ODAD2: variants seen among roughly 807,000 people sequenced by gnomAD.
ODAD2 encodes the protein outer dynein arm-docking complex subunit 2.
Under a neutral mutation model 106.8 loss-of-function variants are expected in ODAD2, and 89 were observed. The observed-to-expected ratio is 0.83, with a 90% CI of 0.70 to 0.99. The LOEUF is 0.99. ODAD2 is among the 50% of genes least tolerant of loss of function. The pLI is 0.00. For synonymous variants in ODAD2, 404 were observed against 436.2 expected, an observed-to-expected ratio of 0.93 and a Z score of 0.92; for missense variants, 1,168 against 1,238.5, an observed-to-expected ratio of 0.94 and a Z score of 0.85.
At chr10:27,978,270 C>A (rs551358774) in intron 7 of ODAD2, among the ~76,000 whole-genome samples, 7 of 152,052 alleles carry the variant, frequency 4.6e-5, no homozygotes, top group Admixed American at 3.9e-4. Context: ...TTATAGAACA[C>A]CAAGGAAGAT....
At chr10:27,833,394 A>G (rs1837628586) in intron 19 of ODAD2, among the ~76,000 whole-genome samples, 1 of 152,086 alleles carries the variant, frequency 6.6e-6, no homozygotes, top group Non-Finnish European at 1.5e-5. Flanking sequence ...AAAATCAAGG[A>G]GGAAAATTAA....
Position 27,812,468 on chromosome 10 carries a change from C to T in ODAD2, c.*44G>A. 6.4e-7 allele frequency: 1 copy of T among 1,573,248 alleles called. No individual in the cohort carries two copies. Among genetic ancestry groups the T allele is most frequent in the Non-Finnish European group, 8.7e-7 (1 of 1,146,234 alleles). Reference sequence around the variant, plus strand: ...TTTCTGGCCATGGGAGTGACATGTCCTGTGTCATGTAGAATTTGATAGCTT... The same window carrying T: ...TTTCTGGCCATGGGAGTGACATGTCTTGTGTCATGTAGAATTTGATAGCTT... On this transcript the variant is annotated 3_prime_UTR_variant, in exon 20 of 20. Transcript: ENST00000305242.
intron 15 of ODAD2, 81 bp from the exon 16 acceptor site, chr10:27,935,333 C>A (rs1426708899): frequency 6.6e-7 from 1 of 1,508,846 alleles, no homozygotes; most frequent in Admixed American, 1.8e-5. Flanking sequence ...TCAATCCTTA[C>A]AACAACCCAA....
intron 19 of ODAD2, among the ~76,000 whole-genome samples, chr10:27,842,655 A>G (rs1054810460): frequency 6.6e-6 from 1 of 152,242 alleles, no homozygotes; most frequent in Non-Finnish European, 1.5e-5. Flanking sequence ...TAAAAGTAGA[A>G]GCCAAAAATA....
At chr10:27,944,485 T>A in intron 11 of ODAD2, 54 bp from the exon 12 acceptor site, 3 of 1,508,836 alleles carry the variant, frequency 2.0e-6, no homozygotes, top group Non-Finnish European at 2.7e-6. Flanking sequence ...GCTATGTTTT[T>A]AAAAATTCCG....
chr10:27,871,170 T>C (rs1229721076), intron 17 of ODAD2, among the ~76,000 whole-genome samples: 1 of 152,240 alleles, frequency 6.6e-6, no homozygotes, highest in Non-Finnish European at 1.5e-5. Context: ...GAAGTGTCTG[T>C]TCATATCCTT....
At chr10:27,817,327 G>A (rs1411803107) in intron 19 of ODAD2, among the ~76,000 whole-genome samples, 2 of 152,070 alleles carry the variant, frequency 1.3e-5, no homozygotes, top group Non-Finnish European at 2.9e-5. Context: ...TCACTTTACT[G>A]TATAGACAGT....
intron 10 of ODAD2, among the ~76,000 whole-genome samples, chr10:27,952,220 T>C (rs776171739): frequency 2.8e-4 from 43 of 151,868 alleles, no homozygotes; most frequent in Non-Finnish European, 5.2e-4. Context: ...CAATGGCTAT[T>C]TGACATATAA....
intron 12 of ODAD2, among the ~76,000 whole-genome samples, chr10:27,941,286 C>A (rs1846401845): frequency 6.6e-6 from 1 of 150,502 alleles, no homozygotes; most frequent in Non-Finnish European, 1.5e-5. Context: ...GAATTAGAGA[C>A]CAGCCTGAAC....
At position 27,944,252 on chromosome 10, in the gene ODAD2, C is replaced by T. The variant is rs190201131; in HGVS notation, c.1713G>A (p.Val571=). 7.4e-6 allele frequency: 12 copies of T among 1,613,364 alleles called. 1 individual carries two copies. Among genetic ancestry groups the T allele is most frequent in the Middle Eastern group, 1.8e-4 (1 of 5,632 alleles). The change falls in exon 12 of 20, where the codon GTG becomes GTA. Residue 571 remains valine, a synonymous_variant. Transcript: ENST00000305242. The part of the protein sequence containing the change: ...NVAKFKRARR[V]VRQHGGITKL... ...TGGTGATACCCCCGTGCTGCCTCAC[C>T]ACCCGCCGTGCTCTTTTAAACTTGG...
intron 19 of ODAD2, among the ~76,000 whole-genome samples, chr10:27,839,098 T>C (rs1180732999): frequency 1.3e-5 from 2 of 152,182 alleles, no homozygotes; most frequent in African/African-American, 2.4e-5. Flanking sequence ...TCAGAAAAAC[T>C]GTAACGTAGT....
Position 27,830,439 on chromosome 10 carries a change from G to T in ODAD2, c.3022-17814C>A, listed in dbSNP as rs1361207625. On this transcript the variant is annotated intron_variant, in intron 19 of 19. Transcript: ENST00000305242. ...CACAGTTTAAACACATGCCTACCGA[G>T]TTTTATGTGGCTGATAGATAGCCTT... is the stretch of plus-strand genomic sequence containing the variant. 3.3e-5 allele frequency among the ~76,000 whole-genome samples: 5 copies of T among 152,254 alleles called. No homozygotes were observed. The East Asian group carries it at 9.6e-4, about 29-fold the overall frequency.
intron 2 of ODAD2, among the ~76,000 whole-genome samples, chr10:27,988,964 C>A (rs1241585693): frequency 6.6e-6 from 1 of 152,084 alleles, no homozygotes; most frequent in Non-Finnish European, 1.5e-5. Flanking sequence ...GGGACAGAGG[C>A]AGCGACAGGG....
At chr10:27,955,473 A>G (rs1047610095) in intron 10 of ODAD2, among the ~76,000 whole-genome samples, 35 of 152,180 alleles carry the variant, frequency 2.3e-4, no homozygotes, top group African/African-American at 8.0e-4. Flanking sequence ...GCCTGGACTC[A>G]GTCCTGGCCT....
intron 7 of ODAD2, among the ~76,000 whole-genome samples, chr10:27,975,050 G>A (rs1849105356): frequency 6.6e-6 from 1 of 152,082 alleles, no homozygotes; most frequent in Admixed American, 6.6e-5. Flanking sequence ...GGCTGTTGTT[G>A]GCGTACAGGA....
intron 19 of ODAD2, among the ~76,000 whole-genome samples, chr10:27,817,461 T>C (rs1161292061): frequency 6.6e-6 from 1 of 152,196 alleles, no homozygotes; most frequent in Non-Finnish European, 1.5e-5. Flanking sequence ...TAGTGAACAC[T>C]GCACCCAATA....
chr10:27,896,379 T>C (rs1251009883), intron 17 of ODAD2, among the ~76,000 whole-genome samples: 1 of 152,228 alleles, frequency 6.6e-6, no homozygotes, highest in Non-Finnish European at 1.5e-5. Flanking sequence ...GATAACTTTC[T>C]CACTTCTGGA....
chr10:27,949,335 CAG>C (rs1251105502), intron 10 of ODAD2, among the ~76,000 whole-genome samples: 1 of 152,126 alleles, frequency 6.6e-6, no homozygotes. Flanking sequence ...CCCAAATAAA[CAG>C]AAACTATAAA....
At chr10:27,829,317 T>A (rs961328432) in intron 19 of ODAD2, among the ~76,000 whole-genome samples, 3 of 152,214 alleles carry the variant, frequency 2.0e-5, no homozygotes, top group Admixed American at 2.0e-4. Context: ...AATAAATGAC[T>A]AATTTCTTGG....
Sources: gnomAD v4.1 joint callset for allele counts (sites outside exome capture counted in the v4.1 genomes callset) on GRCh38, gnomAD v4.1.1 for gene constraint, MANE v1.5 for transcripts, NCBI Gene and HGNC (gene_info 2026-07-23, HGNC 2026-07-21) for gene names.